Variants in LRMDA observed in about 807,000 individuals in gnomAD.
LRMDA encodes the protein leucine rich melanocyte differentiation associated.
Under a neutral mutation model 29.8 loss-of-function variants are expected in LRMDA, and 18 were observed. The observed-to-expected ratio is 0.60, with a 90% CI of 0.42 to 0.90. LRMDA has a LOEUF of 0.90. Among genes scored for constraint, LRMDA ranks in the 40% least tolerant of loss-of-function variants. LRMDA has a pLI of 0.00. For missense variants in LRMDA, 273 were observed against 273.9 expected, an observed-to-expected ratio of 1.00 and a Z score of 0.02; for synonymous variants, 125 against 109.4, an observed-to-expected ratio of 1.14 and a Z score of -0.89.
At chr10:76,301,815 A>G (rs1445717887) in intron 5 of LRMDA, among the ~76,000 whole-genome samples, 1 of 152,254 alleles carries the variant, frequency 6.6e-6, no homozygotes, top group African/African-American at 2.4e-5. Flanking sequence ...TCACTGTTTA[A>G]TAAATACGAT....
At chr10:75,952,779 CAG>C (rs1461445544) in intron 2 of LRMDA, among the ~76,000 whole-genome samples, 1 of 152,056 alleles carries the variant, frequency 6.6e-6, no homozygotes, top group African/African-American at 2.4e-5. Flanking sequence ...TTTTTTGAGA[CAG>C]AGTCTTACTC....
intron 5 of LRMDA, among the ~76,000 whole-genome samples, chr10:76,138,536 T>C (rs1850138980): frequency 6.6e-6 from 1 of 152,218 alleles, no homozygotes; most frequent in Non-Finnish European, 1.5e-5. Context: ...CCTTAAGTTA[T>C]ATCTTAAAGT....
intron 2 of LRMDA, among the ~76,000 whole-genome samples, chr10:75,754,639 A>G (rs986487323): frequency 4.6e-5 from 7 of 152,184 alleles, no homozygotes; most frequent in African/African-American, 1.7e-4. Flanking sequence ...ATTGAGAAAG[A>G]CAGATGACTT....
At chr10:76,023,861 T>C (rs1848017649) in intron 2 of LRMDA, among the ~76,000 whole-genome samples, 1 of 152,238 alleles carries the variant, frequency 6.6e-6, no homozygotes, top group Non-Finnish European at 1.5e-5. Flanking sequence ...AAAGAAAATA[T>C]GCACATTTAT....
chr10:76,269,360 A>G (rs1320309833), intron 5 of LRMDA, among the ~76,000 whole-genome samples: 1 of 152,186 alleles, frequency 6.6e-6, no homozygotes, highest in South Asian at 2.1e-4. Context: ...GCTTTCAACA[A>G]TGGGAACTTT....
intron 6 of LRMDA, among the ~76,000 whole-genome samples, chr10:76,472,468 C>A (rs1311971554): frequency 6.6e-6 from 1 of 151,550 alleles, no homozygotes; most frequent in African/African-American, 2.4e-5. Context: ...AAAGAGTTAT[C>A]TATTCAATAA....
At chr10:76,192,709 A>G (rs1851267278) in intron 5 of LRMDA, among the ~76,000 whole-genome samples, 1 of 152,192 alleles carries the variant, frequency 6.6e-6, no homozygotes, top group African/African-American at 2.4e-5. Flanking sequence ...TATGGAGGGA[A>G]ATTTTTTAGA....
chr10:76,509,244 T>C (rs1842986468), intron 6 of LRMDA, among the ~76,000 whole-genome samples: 1 of 152,164 alleles, frequency 6.6e-6, no homozygotes, highest in South Asian at 2.1e-4. Context: ...CTCCTTCCTG[T>C]GCATCCAATA....
rs1036934281 is a variant in LRMDA, at chr10:76,408,615, T to A, written c.601+84130T>A. On this transcript the variant is annotated intron_variant, in intron 6 of 6. Transcript: ENST00000611255. ...TTCACTAAATAAGAGCTGTAATGTT[T>A]GAGGATCAAACTGTCCAGTTTTTGA... 3.9e-5 allele frequency among the ~76,000 whole-genome samples: 6 copies of A among 152,240 alleles called. 1 individual carries two copies. Among genetic ancestry groups the A allele is most frequent in the Non-Finnish European group, 5.9e-5 (4 of 68,044 alleles).
At chr10:76,062,164 A>G (rs549938570) in intron 5 of LRMDA, among the ~76,000 whole-genome samples, 1 of 152,180 alleles carries the variant, frequency 6.6e-6, no homozygotes, top group East Asian at 1.9e-4. Context: ...CCTATTTTTC[A>G]CGATGGAATC....
At chr10:75,984,302 GGT>G (rs977354273) in intron 2 of LRMDA, among the ~76,000 whole-genome samples, 1 of 151,872 alleles carries the variant, frequency 6.6e-6, no homozygotes, top group Non-Finnish European at 1.5e-5. Context: ...CAAACCAGCA[GGT>G]GGAGGAGGAG....
rs372877146 is a variant in LRMDA, at chr10:76,207,143, G to A, written c.517-117258G>A. On this transcript the variant is annotated intron_variant, in intron 5 of 6. Transcript: ENST00000611255. ...TACTCTGTGCCACAACAGGGGTAAT[G>A]AATCAGCCGGGGAAACCCATGAAGG... Among the ~76,000 whole-genome samples, 167 of 151,326 alleles carry A rather than the reference G, an allele frequency of 1.1e-3. 5 individuals carry two copies. The South Asian group carries it at 0.034, about 31-fold the overall frequency.
chr10:75,866,280 G>T (rs987201038), intron 2 of LRMDA, among the ~76,000 whole-genome samples: 1 of 152,212 alleles, frequency 6.6e-6, no homozygotes. Flanking sequence ...GCACAGAATT[G>T]TGGCACAGCA....
chr10:76,140,364 A>G (rs1029157168), intron 5 of LRMDA, among the ~76,000 whole-genome samples: 1 of 152,046 alleles, frequency 6.6e-6, no homozygotes, highest in African/African-American at 2.4e-5. Context: ...GAAATCTGAA[A>G]TCTGTTTTTG....
At chr10:76,269,558 T>C (rs1840043271) in intron 5 of LRMDA, among the ~76,000 whole-genome samples, 1 of 152,158 alleles carries the variant, frequency 6.6e-6, no homozygotes, top group Non-Finnish European at 1.5e-5. Context: ...TATATCTATA[T>C]GTATGTATGT....
intron 2 of LRMDA, among the ~76,000 whole-genome samples, chr10:76,014,225 A>C (rs972531731): frequency 6.8e-6 from 1 of 147,988 alleles, no homozygotes; most frequent in Admixed American, 6.9e-5. Context: ...CTGCTTCTAC[A>C]TGGAGCTGAG....
chr10:75,649,375 AC>A (rs1165480089), intron 2 of LRMDA, among the ~76,000 whole-genome samples: 1 of 152,096 alleles, frequency 6.6e-6, no homozygotes, highest in African/African-American at 2.4e-5. Context: ...GGTTACTTCC[AC>A]CTTTTGGCTA....
intron 2 of LRMDA, among the ~76,000 whole-genome samples, chr10:75,684,640 T>C (rs539620944): frequency 1.3e-5 from 2 of 152,320 alleles, no homozygotes; most frequent in African/African-American, 4.8e-5. Context: ...TTCAGACAAG[T>C]CTAACTTTGC....
chr10:76,188,755 G>A (rs1235240386), intron 5 of LRMDA, among the ~76,000 whole-genome samples: 1 of 152,120 alleles, frequency 6.6e-6, no homozygotes, highest in Non-Finnish European at 1.5e-5. Flanking sequence ...TATTTGTAGG[G>A]AGCTTCCTGA....
Sources: allele counts gnomAD v4.1 joint callset (sites outside exome capture counted in the v4.1 genomes callset), GRCh38; gene constraint gnomAD v4.1.1; transcripts MANE v1.5; gene names NCBI Gene and HGNC (gene_info 2026-07-23, HGNC 2026-07-21).